Variants in ZNF451 observed in about 807,000 individuals in gnomAD.
ZNF451 encodes the protein E3 SUMO-protein ligase ZNF451.
ZNF451 carries 80 observed loss-of-function variants against 107.1 expected under a neutral mutation model. That is an observed-to-expected ratio of 0.75 (90% CI 0.62 to 0.90). The LOEUF (loss-of-function observed/expected upper bound fraction) is 0.90. Among genes scored for constraint, ZNF451 ranks in the 40% least tolerant of loss-of-function variants. The probability of loss-of-function intolerance (pLI) is 0.00; values close to 1 mark genes in which losing one functional copy is unlikely to be tolerated. For missense variants in ZNF451, 1,107 were observed against 1,236.2 expected (o/e 0.90, Z 1.57); for synonymous variants, 362 against 406.5 (o/e 0.89, Z 1.32).
In ZNF451 at chr6:57,147,498, C is replaced by T; in HGVS notation, c.1413C>T (p.Thr471=). 1.2e-6 allele frequency: 2 copies of T among 1,613,966 alleles called. No individual in the cohort carries two copies. Among genetic ancestry groups the T allele is most frequent in the Non-Finnish European group, 1.7e-6 (2 of 1,179,966 alleles). Residue 471 remains threonine (T), a synonymous_variant, in exon 10 of 15, where the codon ACC becomes ACT. Coordinates refer to ENST00000370706, the MANE Select transcript of ZNF451 (RefSeq NM_001031623.3). ...CVQKEKSVVK[T]WFCECNQRFP... Reference sequence around the variant, plus strand: ...AGAAAGAAAAATCAGTAGTTAAAACCTGGTTCTGTGAATGCAATCAGCGAT... The same window carrying T: ...AGAAAGAAAAATCAGTAGTTAAAACTTGGTTCTGTGAATGCAATCAGCGAT...
chr6:57,090,326 T>A lies in ZNF451; in HGVS notation c.21+52T>A, dbSNP rs1430653971. 3 of 1,600,722 alleles carry A rather than the reference T, an allele frequency of 1.9e-6. No individual in the cohort carries two copies. In the African/African-American group the frequency reaches 4.1e-5, roughly 22 times the overall value. ...GTTCTCAGAGGCGAACCGCGAAGGG[T>A]TTGTGTTTTCTGCGGTCTGAGGCCT... On this transcript the variant is annotated intron_variant, in intron 1 of 14. Coordinates refer to ENST00000370706, the MANE Select transcript of ZNF451 (RefSeq NM_001031623.3).
Position 57,101,878 on chromosome 6 carries a change from G to A in ZNF451, c.186+2737G>A, listed in dbSNP as rs6935277. On this transcript the variant is annotated intron_variant, in intron 3 of 14. Coordinates refer to ENST00000370706, the MANE Select transcript of ZNF451 (RefSeq NM_001031623.3). ...TGATGGTACTTCCCTTTTTGGACAA[G>A]ATGTGAAAGCTGTTGTTGCAGAAGA... 2.5e-3 allele frequency: 3,911 copies of A among 1,550,498 alleles called. 91 individuals carry two copies. In the African/African-American group the frequency reaches 0.047, roughly 19 times the overall value.
At chr6:57,101,961 CT>C (rs1829620386) in intron 3 of ZNF451, 2 of 1,550,360 alleles carry the variant, frequency 1.3e-6, no homozygotes, top group Non-Finnish European at 1.7e-6. Flanking sequence ...AGCATCGATA[CT>C]TTTATAGTCA....
At chr6:57,124,505 A>G in intron 3 of ZNF451, 2 of 714,902 alleles carry the variant, frequency 2.8e-6, no homozygotes, top group East Asian at 2.7e-5. Flanking sequence ...TTAAGTGAAT[A>G]AAGATGATAA....
At chr6:57,139,091 A>C (rs1254723210) in intron 7 of ZNF451, among the ~76,000 whole-genome samples, 1 of 152,138 alleles carries the variant, frequency 6.6e-6, no homozygotes. Context: ...ATTGGTGGTT[A>C]CTAAATGCCT....
intron 7 of ZNF451, among the ~76,000 whole-genome samples, 170 bp from the exon 8 acceptor site, chr6:57,141,132 C>T (rs1164513805): frequency 6.6e-6 from 1 of 152,056 alleles, no homozygotes; most frequent in Non-Finnish European, 1.5e-5. Flanking sequence ...TTTGGGACCT[C>T]GGTTATGATA....
chr6:57,095,326 CT>C (rs764972958), intron 2 of ZNF451, among the ~76,000 whole-genome samples: 14,427 of 107,806 alleles, frequency 0.13, 763 homozygotes, highest in African/African-American at 0.16. Context: ...TTCTGTGATA[CT>C]TTTTTTTTTT....
intron 3 of ZNF451, among the ~76,000 whole-genome samples, chr6:57,120,115 C>A (rs1221228284): frequency 6.6e-6 from 1 of 152,156 alleles, no homozygotes; most frequent in Non-Finnish European, 1.5e-5. Context: ...AGTCACTGAT[C>A]TTACTACAGT....
chr6:57,152,259 A>G lies in ZNF451; in HGVS notation c.2791A>G (p.Ile931Val). Reference protein sequence around the residue: ...TNWKPPLNCKIYNYLNRIGCF... With the variant: ...TNWKPPLNCKVYNYLNRIGCF... Reference sequence around the variant, plus strand: ...TTGGAAGCCTCCGCTCAACTGTAAGATTTATAACTACCTGAACAGGATTGG... The same window carrying G: ...TTGGAAGCCTCCGCTCAACTGTAAGGTTTATAACTACCTGAACAGGATTGG... The change falls in exon 12 of 15, where the codon ATT (isoleucine) becomes GTT (valine). Residue 931 changes from isoleucine (I) to valine (V), a missense_variant. Around this residue, in one of 5 missense-constraint regions of ZNF451, gnomAD observed 151 missense variants for 173.3 expected, o/e 0.87. Transcript: ENST00000370706. 6.2e-7 allele frequency: 1 copy of G among 1,613,838 alleles called. No homozygotes were observed. Among genetic ancestry groups the G allele is most frequent in the Non-Finnish European group, 8.5e-7 (1 of 1,179,882 alleles).
intron 3 of ZNF451, chr6:57,099,434 C>G (rs1274696072): frequency 4.2e-6 from 3 of 715,008 alleles, no homozygotes; most frequent in African/African-American, 3.5e-5. Context: ...CTTATTGATT[C>G]CTCTTTCCCT....
At chr6:57,160,672 C>T (rs1763634788) in intron 13 of ZNF451, 1 of 153,030 alleles carries the variant, frequency 6.5e-6, no homozygotes, top group Non-Finnish European at 1.5e-5. Flanking sequence ...TCTTGGGATC[C>T]CACATGACAT....
At chr6:57,108,867 A>G (rs1189990941) in intron 3 of ZNF451, 1 of 985,316 alleles carries the variant, frequency 1.0e-6, no homozygotes, top group Non-Finnish European at 1.2e-6. Flanking sequence ...AAACTTCATT[A>G]AGTCATTAAG....
rs1031092000 is a variant in ZNF451, at chr6:57,108,276, C to T, written c.186+9135C>T. ...GAGCTATCATAGTACTGTTTTCTTT[C>T]ATTACCCGTAAGAGTGGCTCTATCA... is the stretch of plus-strand genomic sequence containing the variant. On this transcript the variant is annotated intron_variant, in intron 3 of 14. Coordinates refer to ENST00000370706, the MANE Select transcript of ZNF451 (RefSeq NM_001031623.3). 1.2e-5 allele frequency: 12 copies of T among 985,296 alleles called. No individual in the cohort carries two copies. In the African/African-American group the frequency reaches 1.9e-4, roughly 16 times the overall value. 61.0% of individuals were successfully genotyped at this position (985,296 alleles called of 1,614,324 possible).
chr6:57,103,157 C>T (rs1159632440), intron 3 of ZNF451: 3 of 985,282 alleles, frequency 3.0e-6, no homozygotes, highest in Non-Finnish European at 3.6e-6. Context: ...ACCAAGAATT[C>T]CAAACATGCC....
intron 3 of ZNF451, chr6:57,101,504 C>A (rs1258442983): frequency 6.4e-7 from 1 of 1,551,022 alleles, no homozygotes; most frequent in South Asian, 1.2e-5. Flanking sequence ...ACAACATCCC[C>A]TCTAGATTCT....
In ZNF451 at chr6:57,113,767, A is replaced by G. The variant is rs188698122; in HGVS notation, c.187-10967A>G. The stretch of plus-strand genomic sequence containing the variant: ...CTCCCGAGTAGCTGGGACTACAGGC[A>G]CCCATCACCACACCCGGCTGATTTT... On this transcript the variant is annotated intron_variant, in intron 3 of 14. Transcript: ENST00000370706. 4.5e-3 allele frequency among the ~76,000 whole-genome samples: 686 copies of G among 151,798 alleles called. 4 individuals carry two copies. Among genetic ancestry groups the G allele is most frequent in the Admixed American group, 9.8e-3 (149 of 15,242 alleles).
chr6:57,126,258 A>C (rs531177565), intron 4 of ZNF451, among the ~76,000 whole-genome samples: 24 of 152,214 alleles, frequency 1.6e-4, no homozygotes, highest in Non-Finnish European at 3.5e-4. Flanking sequence ...GAAAGAATAA[A>C]TTTGTCTAGA....
At chr6:57,099,628 G>T in intron 3 of ZNF451, 1 of 657,192 alleles carries the variant, frequency 1.5e-6, no homozygotes, top group Non-Finnish European at 2.7e-6. Flanking sequence ...CTTTAACCTT[G>T]TCTGTGCCCC....
At chr6:57,165,612 T>A (rs1763862615) in intron 14 of ZNF451, 1 of 152,240 alleles carries the variant, frequency 6.6e-6, no homozygotes, top group African/African-American at 2.4e-5. Flanking sequence ...GAGTTTCTAT[T>A]TGATGGGCTT....
Sources: allele counts gnomAD v4.1 joint callset (sites outside exome capture counted in the v4.1 genomes callset), GRCh38; gene constraint gnomAD v4.1.1; regional missense constraint gnomAD v4.1.1; transcripts MANE v1.5; gene names NCBI Gene and HGNC (gene_info 2026-07-23, HGNC 2026-07-21).